The following IL2RB variants were observed in gnomAD, a reference collection of about 807,000 sequenced individuals.
IL2RB encodes the protein interleukin-2 receptor subunit beta.
IL2RB carries 17 observed loss-of-function variants against 44.2 expected under a neutral mutation model. That is an observed-to-expected ratio of 0.38 (90% CI 0.26 to 0.58). IL2RB has a LOEUF of 0.58. Ranked by LOEUF, IL2RB falls within the 20% of genes least tolerant of loss-of-function variation. IL2RB has a pLI of 0.63. For synonymous variants in IL2RB, 286 were observed against 297.9 expected (o/e 0.96, Z 0.41); for missense variants, 624 against 685.5 (o/e 0.91, Z 1.00).
chr22:37,130,211 C>T (rs953756843), intron 9 of IL2RB, among the ~76,000 whole-genome samples: 2 of 152,216 alleles, frequency 1.3e-5, no homozygotes, highest in Non-Finnish European at 2.9e-5. Flanking sequence ...AAGCACTGGT[C>T]GGGTGAGATT....
At position 37,144,187 on chromosome 22, in the gene IL2RB, G is replaced by A. The variant is rs1395692289; in HGVS notation, c.-15C>T. ...GGGGCCGCCATTACATCCACAGGGT[G>A]GAGCCGAGGAAGGAAGCCCTGGTGG... On this transcript the variant is annotated 5_prime_UTR_variant, in exon 2 of 10. Transcript: ENST00000216223. The A allele has an allele frequency of 1.9e-6, 3 of 1,549,330 alleles. No homozygotes were observed. The highest frequency in any genetic ancestry group is 2.0e-5 in the Admixed American group (1 of 50,662).
rs977507872 is a variant in IL2RB, at chr22:37,141,491, T to G, written c.282+943A>C. ...ACGCACTCTGTGGATCCAGTGTGAG[T>G]CGGGGACAAGCGGGACCCCTGCCCC... is the stretch of plus-strand genomic sequence containing the variant. On this transcript the variant is annotated intron_variant, in intron 4 of 9. Coordinates refer to ENST00000216223, the MANE Select transcript of IL2RB (RefSeq NM_000878.5). The surrounding 1 kb of genome is among the most constrained non-coding windows in gnomAD (Gnocchi z 4.4). Among the ~76,000 whole-genome samples, 6 of 151,208 alleles carry G rather than the reference T, an allele frequency of 4.0e-5. No homozygotes were observed. The highest frequency in any genetic ancestry group is 6.6e-5 in the Admixed American group (1 of 15,228).
At chr22:37,172,358 C>T (rs113776530) in intron 1 of IL2RB, among the ~76,000 whole-genome samples, 4 of 152,302 alleles carry the variant, frequency 2.6e-5, no homozygotes, top group Non-Finnish European at 4.4e-5. Flanking sequence ...CCTCCTAATG[C>T]ACTCGGCTCC....
chr22:37,138,574 G>T (rs571361326), intron 5 of IL2RB, among the ~76,000 whole-genome samples: 3 of 152,320 alleles, frequency 2.0e-5, no homozygotes, highest in African/African-American at 7.2e-5. Context: ...TGCTGGGTGC[G>T]TGGCAAGGAG....
chr22:37,158,210 A>G (rs1226732702), intron 1 of IL2RB, among the ~76,000 whole-genome samples: 2 of 152,142 alleles, frequency 1.3e-5, no homozygotes, highest in Non-Finnish European at 2.9e-5. Flanking sequence ...TGATGAGCAA[A>G]TTAGGGAACT....
intron 1 of IL2RB, among the ~76,000 whole-genome samples, chr22:37,158,799 C>G (rs229484): frequency 0.41 from 62,928 of 152,124 alleles, 13,568 homozygotes; most frequent in African/African-American, 0.55. Flanking sequence ...AATCCCTGGA[C>G]ACTGCTAGCA....
rs558057003 is a variant in IL2RB, at chr22:37,146,761, G to A, written c.-33-2556C>T. Reference sequence around the variant, plus strand: ...TGAGCACAGGGCCGGGCACACAGTCGGTGCTCAATAAATGTAGTGAAATGA... The same window carrying A: ...TGAGCACAGGGCCGGGCACACAGTCAGTGCTCAATAAATGTAGTGAAATGA... On this transcript the variant is annotated intron_variant, in intron 1 of 9. Coordinates refer to ENST00000216223, the MANE Select transcript of IL2RB (RefSeq NM_000878.5). 1.7e-4 allele frequency among the ~76,000 whole-genome samples: 26 copies of A among 152,248 alleles called. 1 individual carries two copies. The highest frequency in any genetic ancestry group is 3.4e-3 in the Middle Eastern group (1 of 294).
intron 1 of IL2RB, among the ~76,000 whole-genome samples, chr22:37,149,324 G>C (rs1217665651): frequency 6.6e-6 from 1 of 152,180 alleles, no homozygotes; most frequent in Non-Finnish European, 1.5e-5. Context: ...TCACTTCATA[G>C]ATGGCTCTCC....
chr22:37,164,961 G>A (rs535675875), intron 1 of IL2RB, among the ~76,000 whole-genome samples: 1 of 152,308 alleles, frequency 6.6e-6, no homozygotes, highest in Admixed American at 6.5e-5. Flanking sequence ...CAGATGCTCA[G>A]GCCCCAGCCC....
intron 1 of IL2RB, among the ~76,000 whole-genome samples, chr22:37,170,505 C>T (rs1298923716): frequency 1.3e-5 from 2 of 152,172 alleles, no homozygotes; most frequent in Admixed American, 6.5e-5. Context: ...AGCAGCGCCA[C>T]CCAGGGGCTG....
intron 1 of IL2RB, among the ~76,000 whole-genome samples, chr22:37,160,918 G>A (rs957451412): frequency 2.0e-5 from 3 of 152,184 alleles, no homozygotes; most frequent in Non-Finnish European, 2.9e-5. Context: ...AAGGCAGGTG[G>A]ATCACCTGAG....
At chr22:37,163,794 C>T (rs983626654) in intron 1 of IL2RB, among the ~76,000 whole-genome samples, 1 of 152,218 alleles carries the variant, frequency 6.6e-6, no homozygotes, top group African/African-American at 2.4e-5. Flanking sequence ...CATGGGCCTC[C>T]GGGAACTCAT....
intron 4 of IL2RB, 148 bp from the exon 5 acceptor site, chr22:37,139,370 C>T (rs943715558): frequency 7.0e-5 from 43 of 610,948 alleles, no homozygotes; most frequent in Admixed American, 1.1e-4. Context: ...TGTAAAAGGC[C>T]ACATAGTAAC....
At chr22:37,147,277 T>A (rs1601605324) in intron 1 of IL2RB, among the ~76,000 whole-genome samples, 1 of 152,302 alleles carries the variant, frequency 6.6e-6, no homozygotes, top group East Asian at 1.9e-4. Context: ...AGAGGTGAAG[T>A]GCGTTGCCTA....
At position 37,128,386 on chromosome 22, in the gene IL2RB, G is replaced by C. The variant is rs546931798; in HGVS notation, c.1366C>G (p.Pro456Ala). 8 of 1,509,916 alleles carry C rather than the reference G, an allele frequency of 5.3e-6. No individual in the cohort carries two copies. The South Asian group carries it at 1.1e-4, about 20-fold the overall frequency. The allele number at this position is 1,509,916 out of a possible 1,614,324, so 93.5% of individuals were successfully genotyped here. The change falls in exon 10 of 10, where the codon CCC becomes GCC. Residue 456 changes from proline to alanine, a missense_variant. By Grantham distance (27) the Pro-to-Ala change is conservative. Around this residue, in one of 3 missense-constraint regions of IL2RB, gnomAD observed 291 missense variants for 275.5 expected, o/e 1.06. Transcript: ENST00000216223. This position sits in a 1 kb window ranked among gnomAD's most constrained non-coding sequence, Gnocchi z 4.5. ...GGGACTCTTTCTTGCAAAGAAGGGG[G>C]CATCCTCTCTTCACCGGCCCCACTG... Reference protein sequence around the residue: ...GGSGAGEERMPPSLQERVPRD... With the variant: ...GGSGAGEERMAPSLQERVPRD...
Position 37,128,928 on chromosome 22 carries a change from C to T in IL2RB, c.904-80G>A. On this transcript the variant is annotated intron_variant, in intron 9 of 9. Transcript: ENST00000216223. The surrounding 1 kb of genome is among the most constrained non-coding windows in gnomAD (Gnocchi z 4.5). ...CCTTCCTCTGGACTCTCAACAGCTC[C>T]TAACTCCTCCTCCTCCTGAAGCAGT... The T allele has an allele frequency of 6.9e-7, 1 of 1,457,004 alleles. No homozygotes were observed. Among genetic ancestry groups the T allele is most frequent in the Non-Finnish European group, 9.2e-7 (1 of 1,091,578 alleles). 90.3% of individuals were successfully genotyped at this position (1,457,004 alleles called of 1,614,324 possible). A position where few individuals can be genotyped will look rare whatever the true frequency, so the allele number is the denominator to read the frequency against.
In IL2RB at chr22:37,128,109, G is replaced by A. The variant is rs1383016831; in HGVS notation, c.1643C>T (p.Thr548Ile). The A allele has an allele frequency of 5.1e-6, 8 of 1,567,356 alleles. No homozygotes were observed. The highest frequency in any genetic ancestry group is 6.0e-6 in the Non-Finnish European group (7 of 1,162,134). ...CTGGCCATCTGTCTACACCAAGTGA[G>A]TTGGGTCCTGACCCTGGAGTTCTTG... Reference protein sequence around the residue: ...SLQELQGQDPTHLV With the variant: ...SLQELQGQDPIHLV The change falls in exon 10 of 10, where the codon ACT (threonine) becomes ATT (isoleucine). Residue 548 changes from threonine to isoleucine, a missense_variant. Around this residue, in one of 3 missense-constraint regions of IL2RB, gnomAD observed 291 missense variants for 275.5 expected, o/e 1.06. Coordinates refer to ENST00000216223, the MANE Select transcript of IL2RB (RefSeq NM_000878.5). This position sits in a 1 kb window ranked among gnomAD's most constrained non-coding sequence, Gnocchi z 4.5.
At chr22:37,152,795 A>G (rs1475991638), upstream of IL2RB, among the ~76,000 whole-genome samples, 1 of 151,994 alleles carries the variant, frequency 6.6e-6, no homozygotes, top group East Asian at 1.9e-4. Context: ...AGAAAAATGC[A>G]CATCTATTTA....
chr22:37,157,581 G>A (rs895266336), intron 1 of IL2RB, among the ~76,000 whole-genome samples: 18 of 152,180 alleles, frequency 1.2e-4, no homozygotes, highest in Non-Finnish European at 2.5e-4. Flanking sequence ...CAGAACATAA[G>A]ATTTACAGTG....
Sources: allele counts gnomAD v4.1 joint callset (sites outside exome capture counted in the v4.1 genomes callset), GRCh38; gene constraint gnomAD v4.1.1; regional missense constraint gnomAD v4.1.1; non-coding constraint Gnocchi (gnomAD v3.1); transcripts MANE v1.5; gene names NCBI Gene and HGNC (gene_info 2026-07-23, HGNC 2026-07-21).